Variants in ASTN1 observed in about 807,000 individuals in gnomAD.
ASTN1 encodes astrotactin 1, also known as astrotactin-1.
Under a neutral mutation model 140.7 loss-of-function variants are expected in ASTN1, and 41 were observed. The ratio of observed to expected loss-of-function variants is 0.29; its 90% confidence interval spans 0.23 to 0.38. ASTN1 has a LOEUF of 0.38. ASTN1 is among the 10% of genes least tolerant of loss of function. The probability of loss-of-function intolerance (pLI) is 1.00; values close to 1 mark genes in which losing one functional copy is unlikely to be tolerated. For synonymous variants in ASTN1, 640 were observed against 652.2 expected (o/e 0.98, Z 0.29); for missense variants, 1,479 against 1,678.8 (o/e 0.88, Z 2.08).
chr1:177,111,241 AT>A lies in ASTN1; in HGVS notation c.284-49977del, dbSNP rs35879968. Among the ~76,000 whole-genome samples the A allele has an allele frequency of 8.0e-4, 122 of 151,928 alleles. No homozygotes were observed. In the East Asian group the frequency reaches 0.017, roughly 22 times the overall value. ...GAAACTGAGTCTAAGAGAAGTTAGAATTTTTTTTTACATCATTAAGTAATGG... is the reference window on the plus strand; with the variant it reads ...GAAACTGAGTCTAAGAGAAGTTAGAATTTTTTTTACATCATTAAGTAATGG... On this transcript the variant is annotated intron_variant, in intron 1 of 22. Coordinates refer to ENST00000361833, the MANE Select transcript of ASTN1 (RefSeq NM_004319.3).
intron 1 of ASTN1, among the ~76,000 whole-genome samples, chr1:177,119,802 T>C (rs1448152859): frequency 2.0e-5 from 3 of 152,172 alleles, no homozygotes; most frequent in Admixed American, 6.5e-5. Flanking sequence ...TCTTTCCTCT[T>C]TGCCTCATTC....
intron 7 of ASTN1, among the ~76,000 whole-genome samples, chr1:177,018,355 CCAA>C (rs1207542987): frequency 2.0e-5 from 3 of 152,148 alleles, no homozygotes; most frequent in African/African-American, 7.2e-5. Flanking sequence ...AATCAGCCAA[CCAA>C]CCAACCAACA....
chr1:176,935,767 C>A (rs1193830698), intron 15 of ASTN1, among the ~76,000 whole-genome samples: 1 of 151,892 alleles, frequency 6.6e-6, no homozygotes, highest in Non-Finnish European at 1.5e-5. Context: ...CTCTTTCTCT[C>A]TCTCTCTCTC....
At chr1:177,147,248 C>T (rs564671898) in intron 1 of ASTN1, among the ~76,000 whole-genome samples, 1 of 152,208 alleles carries the variant, frequency 6.6e-6, no homozygotes, top group African/African-American at 2.4e-5. Flanking sequence ...GAAAGGGTAT[C>T]ATCGGTCCCT....
intron 1 of ASTN1, among the ~76,000 whole-genome samples, chr1:177,086,941 C>T (rs536323235): frequency 1.2e-4 from 18 of 152,200 alleles, no homozygotes; most frequent in African/African-American, 4.3e-4. Context: ...TTGTCAAACT[C>T]AGAAAGTTAT....
intron 1 of ASTN1, among the ~76,000 whole-genome samples, chr1:177,082,039 G>A (rs1396056412): frequency 6.6e-6 from 1 of 152,162 alleles, no homozygotes; most frequent in Non-Finnish European, 1.5e-5. Flanking sequence ...AGCAAGATTG[G>A]CTGAGGGAGC....
chr1:177,087,106 G>T (rs1288828534), intron 1 of ASTN1, among the ~76,000 whole-genome samples: 2 of 152,054 alleles, frequency 1.3e-5, no homozygotes, highest in African/African-American at 4.8e-5. Context: ...GGGATAATGG[G>T]CACTGAGTCC....
At chr1:177,126,186 A>T (rs1681637434) in intron 1 of ASTN1, among the ~76,000 whole-genome samples, 1 of 151,824 alleles carries the variant, frequency 6.6e-6, no homozygotes, top group African/African-American at 2.4e-5. Context: ...ATCCTATCAG[A>T]TATATCTTAG....
intron 2 of ASTN1, among the ~76,000 whole-genome samples, chr1:177,043,401 C>T (rs1170546759): frequency 6.6e-6 from 1 of 152,166 alleles, no homozygotes; most frequent in African/African-American, 2.4e-5. Context: ...TTGGAGAAGA[C>T]AGGAGAAAGC....
At chr1:177,160,669 T>C (rs544890266) in intron 1 of ASTN1, among the ~76,000 whole-genome samples, 1 of 152,230 alleles carries the variant, frequency 6.6e-6, no homozygotes, top group Admixed American at 6.5e-5. Flanking sequence ...AAAGCAGGAA[T>C]GTCTACTATT....
intron 6 of ASTN1, among the ~76,000 whole-genome samples, chr1:177,023,797 T>TC (rs558723965): frequency 1.3e-5 from 2 of 152,020 alleles, no homozygotes; most frequent in Non-Finnish European, 2.9e-5. Flanking sequence ...AGCAATGGAG[T>TC]CCCCTGCTGC....
chr1:177,092,530 T>C (rs889752244), intron 1 of ASTN1, among the ~76,000 whole-genome samples: 1 of 151,912 alleles, frequency 6.6e-6, no homozygotes, highest in African/African-American at 2.4e-5. Context: ...CCTAGTTTTC[T>C]TTTGTCGCTT....
At chr1:177,156,227 A>G (rs1346326067) in intron 1 of ASTN1, among the ~76,000 whole-genome samples, 7 of 150,910 alleles carry the variant, frequency 4.6e-5, no homozygotes, top group African/African-American at 1.7e-4. Flanking sequence ...CAGAGATTGC[A>G]CCACTGCACT....
At chr1:176,909,425 G>T (rs531553159) in intron 16 of ASTN1, among the ~76,000 whole-genome samples, 1 of 152,274 alleles carries the variant, frequency 6.6e-6, no homozygotes, top group South Asian at 2.1e-4. Context: ...GGACCCTCAA[G>T]GCTGGCAACC....
In ASTN1 at chr1:176,898,534, G is replaced by T. The variant is rs541966966; in HGVS notation, c.2672-3704C>A. Among the ~76,000 whole-genome samples, 4 of 152,324 alleles carry T rather than the reference G, an allele frequency of 2.6e-5. No homozygotes were observed. The East Asian group carries it at 7.7e-4, about 29-fold the overall frequency. On this transcript the variant is annotated intron_variant, in intron 16 of 22. Transcript: ENST00000361833. ...CTCTTTAAAATGATGGAGTCCAATG[G>T]TGAAAGCCCAGATAAATCTCCCTTA...
At chr1:176,940,204 C>A (rs1408267941) in intron 14 of ASTN1, among the ~76,000 whole-genome samples, 1 of 152,136 alleles carries the variant, frequency 6.6e-6, no homozygotes, top group African/African-American at 2.4e-5. Context: ...AAATAGAACT[C>A]TGACTCACAA....
intron 8 of ASTN1, among the ~76,000 whole-genome samples, chr1:176,978,917 T>G (rs1673482901): frequency 6.6e-6 from 1 of 152,040 alleles, no homozygotes; most frequent in Non-Finnish European, 1.5e-5. Context: ...CTAAGAGAAA[T>G]GAGGAAATAT....
chr1:177,095,133 C>G (rs1012797710), intron 1 of ASTN1, among the ~76,000 whole-genome samples: 1 of 152,142 alleles, frequency 6.6e-6, no homozygotes, highest in Non-Finnish European at 1.5e-5. Flanking sequence ...GAAGGTGTGG[C>G]TTAGCCTCTC....
intron 16 of ASTN1, among the ~76,000 whole-genome samples, chr1:176,926,780 C>T (rs1243128409): frequency 6.6e-6 from 1 of 152,178 alleles, no homozygotes; most frequent in African/African-American, 2.4e-5. Flanking sequence ...TTTGTTGACT[C>T]TTCATTGGAT....
Sources: allele counts gnomAD v4.1 joint callset (sites outside exome capture counted in the v4.1 genomes callset), GRCh38; gene constraint gnomAD v4.1.1; transcripts MANE v1.5; gene names NCBI Gene and HGNC (gene_info 2026-07-23, HGNC 2026-07-21).